Variants in DGKB observed in about 807,000 individuals in gnomAD.
The protein encoded by DGKB is 90 kDa diacylglycerol kinase.
In DGKB, 67 loss-of-function variants were observed where a neutral mutation model predicts 114.3. That is an observed-to-expected ratio of 0.59 (90% confidence interval 0.48 to 0.72). The LOEUF is 0.72. Ranked by LOEUF, DGKB falls within the 30% of genes least tolerant of loss-of-function variation. The probability of loss-of-function intolerance (pLI) is 0.00; values close to 1 mark genes in which losing one functional copy is unlikely to be tolerated. For synonymous variants in DGKB, 398 were observed against 323.1 expected (o/e 1.23, Z -2.49); for missense variants, 907 against 975.2 (o/e 0.93, Z 0.93).
intron 13 of DGKB, among the ~76,000 whole-genome samples, chr7:14,648,657 C>T (rs1287664895): frequency 6.6e-6 from 1 of 151,954 alleles, no homozygotes; most frequent in African/African-American, 2.4e-5. Flanking sequence ...ATGACTTTGA[C>T]GAGCTGAGAG....
At chr7:14,843,684 T>G (rs969169520) in intron 1 of DGKB, among the ~76,000 whole-genome samples, 1 of 152,248 alleles carries the variant, frequency 6.6e-6, no homozygotes, top group Non-Finnish European at 1.5e-5. Context: ...AAGTTTTTAA[T>G]TGCCAACAAG....
intron 1 of DGKB, among the ~76,000 whole-genome samples, chr7:14,962,500 A>T (rs1786905280): frequency 6.6e-6 from 1 of 152,148 alleles, no homozygotes; most frequent in African/African-American, 2.4e-5. Flanking sequence ...TTTCATCATG[A>T]TCCTGATAGG....
At chr7:14,478,428 G>A (rs1314524353) in intron 20 of DGKB, among the ~76,000 whole-genome samples, 5 of 152,110 alleles carry the variant, frequency 3.3e-5, no homozygotes, top group South Asian at 2.1e-4. Context: ...AGTGATTTAC[G>A]TAATAATTTC....
intron 21 of DGKB, among the ~76,000 whole-genome samples, chr7:14,407,519 T>C (rs368896991): frequency 1.3e-5 from 2 of 152,158 alleles, no homozygotes; most frequent in South Asian, 4.1e-4. Flanking sequence ...TACCTGGGTA[T>C]GCTCTTCTTA....
At position 14,345,410 on chromosome 7, in the gene DGKB, A is replaced by C. The variant is rs918965341; in HGVS notation, c.1836-19T>G. The C allele has an allele frequency of 1.5e-6, 2 of 1,348,624 alleles. No homozygotes were observed. Among genetic ancestry groups the C allele is most frequent in the Non-Finnish European group, 2.1e-6 (2 of 971,148 alleles). 83.5% of individuals were successfully genotyped at this position (1,348,624 alleles called of 1,614,324 possible). A position where few individuals can be genotyped will look rare whatever the true frequency, so the allele number is the denominator to read the frequency against. Reference sequence around the variant, plus strand: ...CTTCATTCTGAAAAAGAAAAGGAAGAAGCACCTTAGGCAATTATCAATAAC... The same window carrying C: ...CTTCATTCTGAAAAAGAAAAGGAAGCAGCACCTTAGGCAATTATCAATAAC... On this transcript the variant is annotated intron_variant, in intron 21 of 25. Transcript: ENST00000402815.
rs1426872108 is a variant in DGKB at position 14,750,035 on chromosome 7, T to A, written c.168+3893A>T. The A allele has an allele frequency of 6.3e-6, 3 of 473,258 alleles. No homozygotes were observed. The Admixed American group carries it at 6.8e-5, about 11-fold the overall frequency. The allele number at this position is 473,258 out of a possible 1,614,324, so 29.3% of individuals were successfully genotyped here. On this transcript the variant is annotated intron_variant, in intron 4 of 25. Transcript: ENST00000402815. The stretch of plus-strand genomic sequence containing the variant: ...ATGTAACACTATCCAAATGTTACTA[T>A]GTTTTAGGAACTGCACTAAATATGT...
chr7:14,693,847 A>G (rs1823338559), intron 9 of DGKB, among the ~76,000 whole-genome samples: 2 of 152,096 alleles, frequency 1.3e-5, no homozygotes, highest in African/African-American at 2.4e-5. Context: ...GAGAGAGAAT[A>G]TATTTTTAAT....
chr7:14,321,083 G>A (rs1488970834), intron 23 of DGKB, among the ~76,000 whole-genome samples: 2 of 152,068 alleles, frequency 1.3e-5, no homozygotes, highest in African/African-American at 2.4e-5. Flanking sequence ...TTGAGCCCAG[G>A]AGTTTGAGAC....
At chr7:14,542,932 C>T (rs773115731) in intron 20 of DGKB, among the ~76,000 whole-genome samples, 15 of 152,018 alleles carry the variant, frequency 9.9e-5, no homozygotes, top group African/African-American at 2.4e-4. Flanking sequence ...TTTTGAAAAA[C>T]GGAGATGGGT....
chr7:14,194,395 C>T (rs1228627287), intron 23 of DGKB, among the ~76,000 whole-genome samples: 1 of 152,084 alleles, frequency 6.6e-6, no homozygotes, highest in Non-Finnish European at 1.5e-5. Flanking sequence ...TCATTTGTGA[C>T]AACATGGATG....
intron 21 of DGKB, among the ~76,000 whole-genome samples, chr7:14,405,052 A>G (rs1823724577): frequency 6.6e-6 from 1 of 151,748 alleles, no homozygotes; most frequent in Non-Finnish European, 1.5e-5. Context: ...AGGATACTAG[A>G]TTCCACCATT....
chr7:14,663,306 GGT>G (rs1817480691), intron 13 of DGKB, among the ~76,000 whole-genome samples: 1 of 151,956 alleles, frequency 6.6e-6, no homozygotes, highest in Non-Finnish European at 1.5e-5. Context: ...AAGTAATGAT[GGT>G]GAGTGCATAT....
chr7:14,775,865 G>A (rs1442843185), intron 2 of DGKB, among the ~76,000 whole-genome samples: 1 of 152,074 alleles, frequency 6.6e-6, no homozygotes, highest in Non-Finnish European at 1.5e-5. Context: ...GGGTGCTGCT[G>A]TAAAGATATC....
At chr7:14,906,167 T>G (rs1376300938), upstream of DGKB, among the ~76,000 whole-genome samples, 2 of 152,044 alleles carry the variant, frequency 1.3e-5, no homozygotes, top group Non-Finnish European at 2.9e-5. Flanking sequence ...TACTCCCCTT[T>G]TGACTTCTAA....
chr7:14,200,150 T>G (rs7803870), intron 23 of DGKB, among the ~76,000 whole-genome samples: 7,321 of 152,148 alleles, frequency 0.048, 573 homozygotes, highest in African/African-American at 0.17. Flanking sequence ...TTTAAAGTTG[T>G]TTAGTAACAA....
Position 14,670,300 on chromosome 7 carries a change from T to TATAC in DGKB, c.1134+2628_1134+2629insGTAT, listed in dbSNP as rs1554587046. On this transcript the variant is annotated intron_variant, in intron 13 of 25. Coordinates refer to ENST00000402815, the MANE Select transcript of DGKB (RefSeq NM_001350709.2). ...ATGTTATACTATATATATATATATATACACACACACATTTTTTTTTGAGAC... is the reference window on the plus strand; with the variant it reads ...ATGTTATACTATATATATATATATATATACACACACACACATTTTTTTTTGAGAC... 5.5e-5 allele frequency among the ~76,000 whole-genome samples: 8 copies of TATAC among 145,884 alleles called. No individual in the cohort carries two copies. The East Asian group carries it at 5.9e-4, about 11-fold the overall frequency.
chr7:14,764,317 ATAGT>A (rs1365802445), intron 2 of DGKB, among the ~76,000 whole-genome samples: 13 of 152,130 alleles, frequency 8.5e-5, no homozygotes, highest in Admixed American at 8.5e-4. Flanking sequence ...GTATAATTGT[ATAGT>A]TAAATTGTAT....
chr7:14,827,083 T>A (rs1377644014), intron 2 of DGKB, among the ~76,000 whole-genome samples: 2 of 152,086 alleles, frequency 1.3e-5, no homozygotes, highest in African/African-American at 4.8e-5. Flanking sequence ...AAGAATGGTC[T>A]ACAAGAAGAA....
chr7:14,589,118 A>G (rs563321032), intron 17 of DGKB, among the ~76,000 whole-genome samples: 29 of 152,054 alleles, frequency 1.9e-4, no homozygotes, highest in Non-Finnish European at 4.0e-4. Context: ...ATTTTGTTAG[A>G]TTTATTCTTC....
Sources: allele counts gnomAD v4.1 joint callset (sites outside exome capture counted in the v4.1 genomes callset), GRCh38; gene constraint gnomAD v4.1.1; transcripts MANE v1.5; gene names NCBI Gene and HGNC (gene_info 2026-07-23, HGNC 2026-07-21).